Variants in RNFT2 observed in about 807,000 individuals in gnomAD.
RNFT2 encodes ring finger protein, transmembrane 2.
RNFT2 carries 36 observed loss-of-function variants against 53.0 expected under a neutral mutation model. The observed-to-expected ratio is 0.68, with a 90% CI of 0.52 to 0.90. The LOEUF is 0.90. RNFT2 is among the 40% of genes least tolerant of loss of function. The pLI, the probability that RNFT2 is intolerant of heterozygous loss-of-function variation, is 0.00. For missense variants in RNFT2, 514 were observed against 585.6 expected (o/e 0.88, Z 1.26); for synonymous variants, 260 against 253.2 (o/e 1.03, Z -0.26).
At chr12:116,848,311 G>T (rs144043107) in intron 10 of RNFT2, among the ~76,000 whole-genome samples, 1 of 152,088 alleles carries the variant, frequency 6.6e-6, no homozygotes, top group African/African-American at 2.4e-5. Context: ...GAACGTATGC[G>T]TGCATGTATC....
At chr12:116,800,520 C>G (rs1038030365) in intron 7 of RNFT2, among the ~76,000 whole-genome samples, 2 of 152,062 alleles carry the variant, frequency 1.3e-5, no homozygotes, top group African/African-American at 4.8e-5. Flanking sequence ...GTAATCCCAG[C>G]TACTCGGGTG....
At position 116,849,189 on chromosome 12, in the gene RNFT2, A is replaced by T. The variant is rs897121387; in HGVS notation, c.1201-125A>T. ...ATTTTGGAGTCGCATTGTCTCCCCA[A>T]CGCGAGTGCAGGCGCCCCGAAGGCA... On this transcript the variant is annotated intron_variant, in intron 10 of 10. Coordinates refer to ENST00000257575, the MANE Select transcript of RNFT2 (RefSeq NM_001382266.1). 5 of 673,846 alleles carry T rather than the reference A, an allele frequency of 7.4e-6. No homozygotes were observed. The Admixed American group carries it at 1.1e-4, about 14-fold the overall frequency. 41.7% of individuals were successfully genotyped at this position (673,846 alleles called of 1,614,324 possible).
In RNFT2 at chr12:116,849,432, A is replaced by G. The variant is rs1446790216; in HGVS notation, c.1319A>G (p.His440Arg). 6.3e-7 allele frequency: 1 copy of G among 1,593,076 alleles called. No individual in the cohort carries two copies. The highest frequency in any genetic ancestry group is 8.5e-7 in the Non-Finnish European group (1 of 1,172,804). Residue 440 changes from histidine (H) to arginine (R), a missense_variant, in exon 11 of 11, where the codon CAC (histidine) becomes CGC (arginine). His to Arg is a conservative substitution (Grantham distance 29). This residue lies in a region of RNFT2 where 273 missense variants were observed against 334.4 expected (regional missense o/e 0.82). Transcript: ENST00000257575. Reference protein sequence around the residue: ...RCWKDGATSAHFQVY With the variant: ...RCWKDGATSARFQVY ...TGGAAGGACGGCGCCACGTCCGCAC[A>G]CTTCCAGGTGTACTAGGACCGAACA...
At position 116,806,389 on chromosome 12, in the gene RNFT2, T is replaced by TAGATAG. The variant is rs376557134; in HGVS notation, c.882+27042_882+27043insGATAGA. On this transcript the variant is annotated intron_variant, in intron 7 of 10. Transcript: ENST00000257575. ...TCTCAAAAAAAAAAAAAAATATATA[T>TAGATAG]ATATATATATAGATAGATAGATAGA... 5.7e-3 allele frequency among the ~76,000 whole-genome samples: 473 copies of TAGATAG among 82,892 alleles called. 4 individuals carry two copies. Among genetic ancestry groups the TAGATAG allele is most frequent in the East Asian group, 0.02 (58 of 2,904 alleles). The allele number at this position is 82,892 out of a possible 152,430, so 54.4% of individuals were successfully genotyped here.
intron 7 of RNFT2, among the ~76,000 whole-genome samples, chr12:116,817,855 C>A (rs971546710): frequency 9.9e-5 from 15 of 152,274 alleles, no homozygotes; most frequent in Non-Finnish European, 1.9e-4. Context: ...ACAGGCACTG[C>A]GAAGGTGTTG....
chr12:116,807,749 A>G (rs1053157887), intron 7 of RNFT2, among the ~76,000 whole-genome samples: 5 of 151,830 alleles, frequency 3.3e-5, no homozygotes, highest in African/African-American at 1.2e-4. Context: ...TCTTCCCTCA[A>G]CTACCCTGGT....
At chr12:116,846,536 T>G (rs1877624820) in intron 10 of RNFT2, among the ~76,000 whole-genome samples, 1 of 151,140 alleles carries the variant, frequency 6.6e-6, no homozygotes. Flanking sequence ...GCCATCCTCC[T>G]GCCTTCGCCT....
chr12:116,753,307 T>C (rs978164075), intron 4 of RNFT2, among the ~76,000 whole-genome samples: 2 of 151,960 alleles, frequency 1.3e-5, no homozygotes, highest in African/African-American at 2.4e-5. Flanking sequence ...CATGCCACCA[T>C]GTGTGGCTAA....
intron 5 of RNFT2, among the ~76,000 whole-genome samples, chr12:116,754,567 T>G (rs1025226879): frequency 2.6e-5 from 4 of 152,200 alleles, no homozygotes; most frequent in Admixed American, 2.6e-4. Flanking sequence ...TCTCACACTG[T>G]TTTTCATAGC....
chr12:116,848,311 G>A lies in RNFT2; in HGVS notation c.1201-1003G>A, dbSNP rs144043107. 4.1e-3 allele frequency among the ~76,000 whole-genome samples: 621 copies of A among 152,202 alleles called. 2 individuals are homozygous for A. The highest frequency in any genetic ancestry group is 0.013 in the African/African-American group (549 of 41,514). On this transcript the variant is annotated intron_variant, in intron 10 of 10. Transcript: ENST00000257575. The stretch of plus-strand genomic sequence containing the variant: ...GAATAGTGCTGCAGTGAACGTATGC[G>A]TGCATGTATCTGTTTATCGTAGCAC...
chr12:116,751,993 C>A (rs1412922474), intron 4 of RNFT2, among the ~76,000 whole-genome samples: 1 of 152,042 alleles, frequency 6.6e-6, no homozygotes, highest in Non-Finnish European at 1.5e-5. Flanking sequence ...GGCTTATACA[C>A]TGTTGTTTTA....
intron 10 of RNFT2, 127 bp downstream of exon 10, chr12:116,836,409 C>A: frequency 1.3e-6 from 1 of 755,948 alleles, no homozygotes. Context: ...CCGGAGTCAG[C>A]CAGACCTGGG....
intron 7 of RNFT2, among the ~76,000 whole-genome samples, chr12:116,819,680 C>A (rs759445486): frequency 6.6e-6 from 1 of 152,186 alleles, no homozygotes; most frequent in African/African-American, 2.4e-5. Context: ...CCGCTGGCCC[C>A]GCCTCCTACC....
intron 6 of RNFT2, among the ~76,000 whole-genome samples, chr12:116,770,746 A>C (rs886292652): frequency 2.0e-5 from 3 of 151,992 alleles, no homozygotes; most frequent in Non-Finnish European, 2.9e-5. Context: ...TTTAGTAGAG[A>C]TGAGGTTTCT....
chr12:116,811,373 A>ATT (rs35453575), intron 7 of RNFT2, among the ~76,000 whole-genome samples: 6,226 of 147,710 alleles, frequency 0.042, 286 homozygotes, highest in East Asian at 0.14. Flanking sequence ...CAATGGGTGT[A>ATT]TTTTTTTTTT....
intron 10 of RNFT2, among the ~76,000 whole-genome samples, chr12:116,846,499 AGGCT>A (rs1877622928): frequency 7.0e-6 from 1 of 143,426 alleles, no homozygotes; most frequent in Non-Finnish European, 1.5e-5. Context: ...CATGTTGCCC[AGGCT>A]GGTCTCAAAC....
At chr12:116,781,253 T>C (rs1399985702) in intron 7 of RNFT2, among the ~76,000 whole-genome samples, 1 of 152,118 alleles carries the variant, frequency 6.6e-6, no homozygotes, top group Non-Finnish European at 1.5e-5. Flanking sequence ...ACCCTCCATC[T>C]TTCTCACCCT....
At position 116,851,922 on chromosome 12, in the gene RNFT2, G is replaced by A. The variant is rs1877949309; in HGVS notation, c.*2474G>A. On this transcript the variant is annotated 3_prime_UTR_variant, in exon 11 of 11. Transcript: ENST00000257575. ...CTCAGGCCTGTCAGCAGCTCCTGTG[G>A]ACATTGCCATCCCCTCTGGTAGCCT... The A allele has an allele frequency of 1.3e-6, 2 of 1,534,312 alleles. No homozygotes were observed. Among genetic ancestry groups the A allele is most frequent in the South Asian group, 2.4e-5 (2 of 83,502 alleles).
intron 7 of RNFT2, among the ~76,000 whole-genome samples, chr12:116,810,890 G>A (rs1043043833): frequency 6.6e-6 from 1 of 152,192 alleles, no homozygotes; most frequent in Non-Finnish European, 1.5e-5. Context: ...AGAAGAAAAG[G>A]TAGCAGAACT....
Sources: gnomAD v4.1 joint callset for allele counts (sites outside exome capture counted in the v4.1 genomes callset) on GRCh38, gnomAD v4.1.1 for gene constraint, gnomAD v4.1.1 regional missense constraint, MANE v1.5 for transcripts, NCBI Gene and HGNC (gene_info 2026-07-23, HGNC 2026-07-21) for gene names.